The following TRRAP variants were observed in gnomAD, a reference collection of about 807,000 sequenced individuals.
TRRAP encodes the protein transformation/transcription domain associated protein.
In TRRAP, 41 loss-of-function variants were observed where a neutral mutation model predicts 438.8. The observed-to-expected ratio is 0.09, with a 90% CI of 0.07 to 0.12. The LOEUF is 0.12. Among genes scored for constraint, TRRAP ranks in the 10% least tolerant of loss-of-function variants. The pLI is 1.00. For missense variants in TRRAP, 3,122 were observed against 5,055.1 expected (o/e 0.62, Z 11.60); for synonymous variants, 1,994 against 1,962.9 (o/e 1.02, Z -0.42).
At chr7:98,978,634 C>T in intron 57 of TRRAP, 135 bp from the exon 58 acceptor site, 2 of 1,274,590 alleles carry the variant, frequency 1.6e-6, no homozygotes, top group Non-Finnish European at 2.2e-6. Flanking sequence ...ACCTCCATGT[C>T]CCACAGAAGT....
At chr7:98,953,878 C>A (rs1791463080) in intron 40 of TRRAP, among the ~76,000 whole-genome samples, 1 of 152,140 alleles carries the variant, frequency 6.6e-6, no homozygotes, top group Non-Finnish European at 1.5e-5. Context: ...CATGACTGTC[C>A]ACGTTCTCCC....
intron 4 of TRRAP, among the ~76,000 whole-genome samples, 197 bp from the exon 5 acceptor site, chr7:98,892,227 C>A (rs1435913111): frequency 6.6e-6 from 1 of 152,174 alleles, no homozygotes; most frequent in Non-Finnish European, 1.5e-5. Context: ...TGAAAATGAT[C>A]ATCTGCAGTA....
chr7:98,962,390 C>T lies in TRRAP; in HGVS notation c.6792C>T (p.Tyr2264=), dbSNP rs759764834. ...TCATCTATGAAGGGCTCACCAACTACGAGAAGGCCACCAATGCCAATCCCT... is the reference window on the plus strand; with the variant it reads ...TCATCTATGAAGGGCTCACCAACTATGAGAAGGCCACCAATGCCAATCCCT... ...GKVIYEGLTN[Y]EKATNANPSQ... is the part of the protein sequence containing the mutation. The change falls in exon 47 of 73, where the codon TAC becomes TAT. Residue 2264 remains tyrosine (Y), a synonymous_variant. Coordinates refer to ENST00000456197, the MANE Select transcript of TRRAP (RefSeq NM_001375524.1). 14 of 1,614,096 alleles carry T rather than the reference C, an allele frequency of 8.7e-6. No homozygotes were observed. Among genetic ancestry groups the T allele is most frequent in the South Asian group, 5.5e-5 (5 of 91,092 alleles).
At chr7:99,006,644 T>C (rs1192598568) in intron 69 of TRRAP, among the ~76,000 whole-genome samples, 1 of 152,212 alleles carries the variant, frequency 6.6e-6, no homozygotes, top group African/African-American at 2.4e-5. Flanking sequence ...GAATCATCTG[T>C]GTGCACTTCA....
intron 70 of TRRAP, 58 bp downstream of exon 70, chr7:99,008,619 C>A: frequency 6.3e-7 from 1 of 1,581,218 alleles, no homozygotes; most frequent in Non-Finnish European, 8.6e-7. Context: ...CTGTGTGGGG[C>A]AGTGCCTGGA....
chr7:98,968,780 G>A (rs913504212), intron 51 of TRRAP, among the ~76,000 whole-genome samples: 9 of 152,204 alleles, frequency 5.9e-5, no homozygotes, highest in South Asian at 2.1e-4. Context: ...TGTTCGTGCC[G>A]GATGGGCGTT....
chr7:98,994,567 C>T lies in TRRAP; in HGVS notation c.10048-20C>T, dbSNP rs756235838. The stretch of plus-strand genomic sequence containing the variant: ...GTGGAGGGCTGTGTTTGTCAGTTGT[C>T]TCTGGCTCTTTTCTACCAGGTTCTC... On this transcript the variant is annotated intron_variant, in intron 66 of 72. Coordinates refer to ENST00000456197, the MANE Select transcript of TRRAP (RefSeq NM_001375524.1). The surrounding 1 kb of genome is among the most constrained non-coding windows in gnomAD (Gnocchi z 4.8). The T allele has an allele frequency of 3.1e-6, 5 of 1,613,396 alleles. No homozygotes were observed. The highest frequency in any genetic ancestry group is 3.4e-6 in the Non-Finnish European group (4 of 1,179,722).
chr7:98,966,152 A>G (rs911489211), intron 49 of TRRAP, among the ~76,000 whole-genome samples: 1 of 151,256 alleles, frequency 6.6e-6, no homozygotes, highest in Non-Finnish European at 1.5e-5. Flanking sequence ...TAAAAATACA[A>G]AAAATTAGCC....
At chr7:98,951,133 G>T in intron 39 of TRRAP, 129 bp downstream of exon 39, 1 of 1,153,846 alleles carries the variant, frequency 8.7e-7, no homozygotes, top group African/African-American at 1.6e-5. Context: ...CCGCCAACAC[G>T]TTTATTTTTC....
chr7:98,909,340 C>T (rs1329145612), intron 14 of TRRAP, among the ~76,000 whole-genome samples: 1 of 152,122 alleles, frequency 6.6e-6, no homozygotes, highest in Non-Finnish European at 1.5e-5. Context: ...CAAACTTGAA[C>T]CAGTGCTGTA....
chr7:98,901,933 T>A (rs556159118), intron 11 of TRRAP, among the ~76,000 whole-genome samples: 6 of 152,248 alleles, frequency 3.9e-5, no homozygotes, highest in Non-Finnish European at 5.9e-5. Context: ...GCCACAGATT[T>A]GTACCATTAC....
intron 13 of TRRAP, 80 bp downstream of exon 13, chr7:98,906,335 C>A (rs191452725): frequency 4.8e-5 from 55 of 1,138,858 alleles, no homozygotes. Context: ...ACAAGTGTTT[C>A]AATGAACACC....
At chr7:98,922,604 C>G (rs1400194853) in intron 21 of TRRAP, among the ~76,000 whole-genome samples, 2 of 152,146 alleles carry the variant, frequency 1.3e-5, no homozygotes, top group African/African-American at 4.8e-5. Context: ...CAGTCCTTCC[C>G]CACATGGTGG....
intron 7 of TRRAP, 109 bp downstream of exon 7, chr7:98,895,929 AT>A: frequency 1.3e-6 from 1 of 762,014 alleles, no homozygotes; most frequent in Non-Finnish European, 2.0e-6. Context: ...AGGGTTTACT[AT>A]TTTAGAATGG....
rs1791623210 is a variant in TRRAP at position 98,956,545 on chromosome 7, T to A, written c.6231+12T>A. On this transcript the variant is annotated intron_variant, in intron 43 of 72. Transcript: ENST00000456197. This position sits in a 1 kb window ranked among gnomAD's most constrained non-coding sequence, Gnocchi z 4.5. Reference sequence around the variant, plus strand: ...GAGCCATCAGTGCAGTAAGATCATGTGCCTCTGTATGGGTGCTGCGCATTC... The same window carrying A: ...GAGCCATCAGTGCAGTAAGATCATGAGCCTCTGTATGGGTGCTGCGCATTC... 6.2e-7 allele frequency: 1 copy of A among 1,610,262 alleles called. No individual in the cohort carries two copies. Among genetic ancestry groups the A allele is most frequent in the Non-Finnish European group, 8.5e-7 (1 of 1,178,936 alleles).
chr7:98,992,955 A>T (rs530616822), intron 65 of TRRAP, among the ~76,000 whole-genome samples: 1 of 152,300 alleles, frequency 6.6e-6, no homozygotes, highest in East Asian at 1.9e-4. Context: ...TTTTAGTTTT[A>T]AGACTAAGTG....
In TRRAP at chr7:98,981,867, C is replaced by T. The variant is rs367677408; in HGVS notation, c.8733C>T (p.Ile2911=). The change falls in exon 59 of 73, where the codon ATC becomes ATT. Residue 2911 remains isoleucine (I), a synonymous_variant. Coordinates refer to ENST00000456197, the MANE Select transcript of TRRAP (RefSeq NM_001375524.1). ...CCGAGGAGCAGCAGCTCAGCTTCAT[C>T]GAGCGCCTGGTGGAGATGGCCAGCA... ...CHPEEQQLSF[I]ERLVEMASSL... The T allele has an allele frequency of 1.2e-4, 195 of 1,608,528 alleles. 2 individuals are homozygous for T. In the South Asian group the frequency reaches 1.9e-3, roughly 16 times the overall value.
chr7:98,949,925 C>T, intron 37 of TRRAP, 84 bp downstream of exon 37: 1 of 1,568,380 alleles, frequency 6.4e-7, no homozygotes, highest in Non-Finnish European at 8.7e-7. Context: ...CTGTACAAGG[C>T]TGTGGTCATT....
At chr7:98,977,547 G>A (rs751156774) in intron 56 of TRRAP, among the ~76,000 whole-genome samples, 12 of 152,328 alleles carry the variant, frequency 7.9e-5, no homozygotes, top group South Asian at 2.1e-4. Flanking sequence ...AGATACCTAC[G>A]TATATGACAT....
Sources: allele counts gnomAD v4.1 joint callset (sites outside exome capture counted in the v4.1 genomes callset), GRCh38; gene constraint gnomAD v4.1.1; non-coding constraint Gnocchi (gnomAD v3.1); transcripts MANE v1.5; gene names NCBI Gene and HGNC (gene_info 2026-07-23, HGNC 2026-07-21).